ARHGAP22: variants seen among roughly 807,000 people sequenced by gnomAD.
ARHGAP22 encodes Rho GTPase activating protein 22, also known as rho GTPase-activating protein 22.
ARHGAP22 carries 48 observed loss-of-function variants against 59.1 expected under a neutral mutation model. That is an observed-to-expected ratio of 0.81 (90% CI 0.64 to 1.03). The LOEUF (loss-of-function observed/expected upper bound fraction) is 1.03. Ranked by LOEUF, ARHGAP22 falls within the 50% of genes least tolerant of loss-of-function variation. The pLI, the probability that ARHGAP22 is intolerant of heterozygous loss-of-function variation, is 0.00. For synonymous variants in ARHGAP22, 445 were observed against 416.4 expected (o/e 1.07, Z -0.84); for missense variants, 1,015 against 958.7 (o/e 1.06, Z -0.78).
chr10:48,504,502 G>A (rs933622934), intron 3 of ARHGAP22, among the ~76,000 whole-genome samples: 1 of 152,186 alleles, frequency 6.6e-6, no homozygotes, highest in Non-Finnish European at 1.5e-5. Flanking sequence ...AAATGGGGTG[G>A]GTCAGGAAAA....
the ARHGAP22 span, among the ~76,000 whole-genome samples, chr10:48,433,538 T>A: frequency 1.3e-5 from 2 of 152,190 alleles, no homozygotes; most frequent in African/African-American, 2.4e-5. Flanking sequence ...GATTATCACC[T>A]CTTTTACCTC....
intron 1 of ARHGAP22, among the ~76,000 whole-genome samples, chr10:48,615,787 TA>T (rs2061057882): frequency 6.6e-6 from 1 of 152,106 alleles, no homozygotes; most frequent in Non-Finnish European, 1.5e-5. Context: ...TGAACTTCGA[TA>T]CAGAGAAATT....
chr10:48,592,500 C>A (rs1183407562), intron 1 of ARHGAP22, among the ~76,000 whole-genome samples: 1 of 152,212 alleles, frequency 6.6e-6, no homozygotes. Context: ...CTTTGTACTC[C>A]TGGGTTCCAA....
chr10:48,493,619 T>C, intron 3 of ARHGAP22: 1 of 1,457,942 alleles, frequency 6.9e-7, no homozygotes, highest in Non-Finnish European at 9.0e-7. Context: ...GCCTGTGTGC[T>C]CTGCCTGTGG....
At chr10:48,447,987 A>C in intron 9 of ARHGAP22, among the ~76,000 whole-genome samples, 1 of 147,910 alleles carries the variant, frequency 6.8e-6, no homozygotes, top group South Asian at 2.2e-4. Context: ...TCAGGCCTAG[A>C]CCCCCACACC....
At chr10:48,559,520 A>G (rs2057546705) in intron 2 of ARHGAP22, among the ~76,000 whole-genome samples, 1 of 152,254 alleles carries the variant, frequency 6.6e-6, no homozygotes, top group Admixed American at 6.5e-5. Context: ...TAGACATTGC[A>G]AAATTGCTTT....
chr10:48,590,394 C>T (rs1284578607), intron 1 of ARHGAP22, among the ~76,000 whole-genome samples: 1 of 152,030 alleles, frequency 6.6e-6, no homozygotes, highest in Non-Finnish European at 1.5e-5. Context: ...CAGAGGTTAG[C>T]ATGAGATGGC....
At chr10:48,520,041 G>C (rs1424900476) in intron 3 of ARHGAP22, among the ~76,000 whole-genome samples, 3 of 152,202 alleles carry the variant, frequency 2.0e-5, no homozygotes, top group Non-Finnish European at 4.4e-5. Context: ...TGGCCTCCAG[G>C]GCAGGAGCAC....
chr10:48,487,142 C>T (rs1429073965), intron 3 of ARHGAP22, among the ~76,000 whole-genome samples: 1 of 152,160 alleles, frequency 6.6e-6, no homozygotes, highest in African/African-American at 2.4e-5. Flanking sequence ...ATACGTGTTT[C>T]CATCCCCTGT....
At chr10:48,462,518 C>T (rs1288280191) in intron 4 of ARHGAP22, among the ~76,000 whole-genome samples, 1 of 152,186 alleles carries the variant, frequency 6.6e-6, no homozygotes, top group Non-Finnish European at 1.5e-5. Context: ...ACGGTCCAAC[C>T]CAGGCAGTCT....
intron 4 of ARHGAP22, among the ~76,000 whole-genome samples, chr10:48,469,689 C>CCCA (rs1277113118): frequency 6.6e-6 from 1 of 152,188 alleles, no homozygotes; most frequent in African/African-American, 2.4e-5. Context: ...AGTTGCTGAA[C>CCCA]CTCTGAGTCT....
chr10:48,632,515 G>T (rs779629353), intron 1 of ARHGAP22, among the ~76,000 whole-genome samples: 111 of 152,114 alleles, frequency 7.3e-4, no homozygotes, highest in Non-Finnish European at 1.4e-3. Flanking sequence ...CTAAAGGAAA[G>T]GTGATCCCCA....
chr10:48,464,168 G>GCCTCCCCTGCTCCCTGTTC (rs2047424963), intron 4 of ARHGAP22, among the ~76,000 whole-genome samples: 1 of 152,122 alleles, frequency 6.6e-6, no homozygotes, highest in African/African-American at 2.4e-5. Flanking sequence ...TCTCCCTGGG[G>GCCTCCCCTGCTCCCTGTTC]CCTCCCCTGC....
chr10:48,632,847 T>G (rs909927929), intron 1 of ARHGAP22, among the ~76,000 whole-genome samples: 1 of 152,206 alleles, frequency 6.6e-6, no homozygotes, highest in East Asian at 1.9e-4. Flanking sequence ...TTTACCTTGT[T>G]GTAAGGATGA....
intron 3 of ARHGAP22, among the ~76,000 whole-genome samples, chr10:48,520,709 G>C (rs1192504308): frequency 6.6e-6 from 1 of 152,122 alleles, no homozygotes; most frequent in Non-Finnish European, 1.5e-5. Context: ...AGGATGTCGG[G>C]AAGAGCATGG....
chr10:48,437,966 G>C, the ARHGAP22 span: 2 of 152,272 alleles, frequency 1.3e-5, no homozygotes, highest in Non-Finnish European at 2.9e-5. Context: ...CAGCAGGAAA[G>C]TGAAGCTCTT....
chr10:48,462,248 TGG>T (rs35916329), intron 4 of ARHGAP22, among the ~76,000 whole-genome samples: 11 of 54,664 alleles, frequency 2.0e-4, no homozygotes, highest in South Asian at 7.8e-4. Context: ...CACTTCGGGG[TGG>T]GGGGGGGGCA....
intron 3 of ARHGAP22, among the ~76,000 whole-genome samples, chr10:48,555,069 A>G (rs1402542821): frequency 6.6e-6 from 1 of 152,194 alleles, no homozygotes; most frequent in Non-Finnish European, 1.5e-5. Flanking sequence ...TCCTCCTGCC[A>G]CATCCCAATT....
chr10:48,570,467 C>A (rs1244815413), intron 2 of ARHGAP22, among the ~76,000 whole-genome samples: 1 of 152,220 alleles, frequency 6.6e-6, no homozygotes, highest in Non-Finnish European at 1.5e-5. Flanking sequence ...GCAGAAGACA[C>A]TTTTCAATCA....
Sources: gnomAD v4.1 joint callset for allele counts (sites outside exome capture counted in the v4.1 genomes callset) on GRCh38, gnomAD v4.1.1 for gene constraint, MANE v1.5 for transcripts, NCBI Gene and HGNC (gene_info 2026-07-23, HGNC 2026-07-21) for gene names.